The following PIP4P2 variants were observed in gnomAD, a reference collection of about 807,000 sequenced individuals.
PIP4P2 encodes phosphatidylinositol-4,5-bisphosphate 4-phosphatase 2, also known as type 2 phosphatidylinositol 4,5-bisphosphate 4-phosphatase.
Under a neutral mutation model 33.3 loss-of-function variants are expected in PIP4P2, and 19 were observed. The observed-to-expected ratio is 0.57, with a 90% CI of 0.40 to 0.84. PIP4P2 has a LOEUF of 0.84. Among genes scored for constraint, PIP4P2 ranks in the 40% least tolerant of loss-of-function variants. PIP4P2 has a pLI of 0.00. For synonymous variants in PIP4P2, 110 were observed against 111.9 expected, an observed-to-expected ratio of 0.98 and a Z score of 0.11; for missense variants, 270 against 324.7, an observed-to-expected ratio of 0.83 and a Z score of 1.29.
At chr8:91,034,571 G>T (rs1812212164) in intron 1 of PIP4P2, among the ~76,000 whole-genome samples, 1 of 152,166 alleles carries the variant, frequency 6.6e-6, no homozygotes, top group African/African-American at 2.4e-5. Context: ...TCTCATATTT[G>T]CCAAGGCCCT....
At chr8:91,023,478 T>A (rs1422640088) in intron 1 of PIP4P2, among the ~76,000 whole-genome samples, 1 of 151,914 alleles carries the variant, frequency 6.6e-6, no homozygotes, top group Non-Finnish European at 1.5e-5. Context: ...TTTCAGAGGG[T>A]GATCTTAACA....
intron 1 of PIP4P2, 161 bp from the exon 2 acceptor site, chr8:91,021,565 C>T (rs1296855606): frequency 4.0e-6 from 3 of 742,878 alleles, no homozygotes; most frequent in Non-Finnish European, 4.2e-6. Context: ...AGAGCACAAA[C>T]ATCCATGAGA....
At chr8:91,014,758 GACACACACACACAC>G (rs142952434) in intron 4 of PIP4P2, among the ~76,000 whole-genome samples, 3 of 142,754 alleles carry the variant, frequency 2.1e-5, no homozygotes, top group East Asian at 2.1e-4. Flanking sequence ...TTACCACAAA[GACACACACACACAC>G]ACACACACAC....
intron 3 of PIP4P2, among the ~76,000 whole-genome samples, chr8:91,019,109 A>G (rs1447283746): frequency 6.6e-6 from 1 of 152,118 alleles, no homozygotes; most frequent in Non-Finnish European, 1.5e-5. Flanking sequence ...ATATACTTGT[A>G]TCTGGGGACA....
At chr8:91,011,775 T>C (rs1038458551) in intron 4 of PIP4P2, among the ~76,000 whole-genome samples, 4 of 152,000 alleles carry the variant, frequency 2.6e-5, no homozygotes, top group Non-Finnish European at 5.9e-5. Flanking sequence ...GTAAATATTG[T>C]GAATTCCTAG....
intron 1 of PIP4P2, among the ~76,000 whole-genome samples, chr8:91,030,243 T>C (rs1419159362): frequency 6.6e-6 from 1 of 151,690 alleles, no homozygotes; most frequent in Admixed American, 6.6e-5. Flanking sequence ...TAGATCTCAT[T>C]TGGAAAAGAC....
intron 3 of PIP4P2, 92 bp downstream of exon 3, chr8:91,020,061 CTCTT>C: frequency 8.3e-7 from 1 of 1,205,544 alleles, no homozygotes; most frequent in Non-Finnish European, 1.2e-6. Context: ...AAAACAAAAA[CTCTT>C]TCTAGAACAA....
chr8:91,005,939 T>TA (rs1411279960), intron 5 of PIP4P2, among the ~76,000 whole-genome samples: 5 of 152,192 alleles, frequency 3.3e-5, no homozygotes, highest in Non-Finnish European at 5.9e-5. Context: ...GCTACCATAG[T>TA]ACCAGCTACC....
chr8:91,030,351 A>G (rs1812147034), intron 1 of PIP4P2, among the ~76,000 whole-genome samples: 1 of 152,166 alleles, frequency 6.6e-6, no homozygotes, highest in Non-Finnish European at 1.5e-5. Flanking sequence ...GATTCTTCCT[A>G]TTAATATCTT....
chr8:91,028,595 A>C (rs1381032488), intron 1 of PIP4P2, among the ~76,000 whole-genome samples: 1 of 152,202 alleles, frequency 6.6e-6, no homozygotes, highest in African/African-American at 2.4e-5. Context: ...AATTGGAACA[A>C]ATATTCTTGG....
In PIP4P2 at chr8:91,002,125, G is replaced by A. The variant is rs139175809; in HGVS notation, c.540-5381C>T. Among the ~76,000 whole-genome samples, 51 of 152,134 alleles carry A rather than the reference G, an allele frequency of 3.4e-4. 1 individual carries two copies. The highest frequency in any genetic ancestry group is 1.2e-3 in the African/African-American group (50 of 41,510). On this transcript the variant is annotated intron_variant, in intron 5 of 6. Transcript: ENST00000285419. ...TTCTAACCCCGCTACCTTGTGTGAG[G>A]CCAATGCCTTCTCTCTCATTCTTCC...
At chr8:91,037,019 C>T (rs939036942) in intron 1 of PIP4P2, among the ~76,000 whole-genome samples, 15 of 152,202 alleles carry the variant, frequency 9.9e-5, no homozygotes, top group Non-Finnish European at 1.8e-4. Context: ...TGACAAGTTA[C>T]TTTCCCCAGA....
rs146460952 is a variant in PIP4P2, at chr8:91,008,315, A to G, written c.539+428T>C. ...ATTAAGATAAACAAATAATTATATA[A>G]ATGCTGCTATCAGTAATAATCTTAT... On this transcript the variant is annotated intron_variant, in intron 5 of 6. Transcript: ENST00000285419. Among the ~76,000 whole-genome samples the G allele has an allele frequency of 1.7e-3, 259 of 152,306 alleles. 1 individual carries two copies. Among genetic ancestry groups the G allele is most frequent in the African/African-American group, 6.1e-3 (252 of 41,574 alleles).
chr8:91,001,911 A>G (rs1431986258), intron 5 of PIP4P2, among the ~76,000 whole-genome samples: 1 of 152,078 alleles, frequency 6.6e-6, no homozygotes, highest in Non-Finnish European at 1.5e-5. Context: ...TACTAACCCT[A>G]AACTTTAAGT....
intron 5 of PIP4P2, among the ~76,000 whole-genome samples, chr8:90,998,139 A>T (rs1474629676): frequency 1.3e-5 from 2 of 152,024 alleles, no homozygotes; most frequent in Non-Finnish European, 2.9e-5. Context: ...TATACATCAC[A>T]TCTGGTTGTT....
At chr8:91,014,147 C>T (rs1811879340) in intron 4 of PIP4P2, among the ~76,000 whole-genome samples, 1 of 152,074 alleles carries the variant, frequency 6.6e-6, no homozygotes. Context: ...CTTTGCAACT[C>T]ACTTAGCGAA....
At chr8:91,014,840 G>C (rs1051980236) in intron 4 of PIP4P2, among the ~76,000 whole-genome samples, 1 of 150,938 alleles carries the variant, frequency 6.6e-6, no homozygotes, top group Non-Finnish European at 1.5e-5. Flanking sequence ...ACTTGATTGT[G>C]GTAATCATTT....
At chr8:91,018,611 T>C in intron 3 of PIP4P2, 98 bp from the exon 4 acceptor site, 2 of 1,536,580 alleles carry the variant, frequency 1.3e-6, no homozygotes, top group Non-Finnish European at 8.8e-7. Context: ...GCTATACTTG[T>C]TTCATAAATT....
intron 3 of PIP4P2, among the ~76,000 whole-genome samples, chr8:91,019,564 C>CAA (rs200004748): frequency 8.8e-6 from 1 of 113,746 alleles, no homozygotes; most frequent in Non-Finnish European, 1.9e-5. Context: ...GACTCTGTCT[C>CAA]AAAAAAAAAA....
Sources: allele counts gnomAD v4.1 joint callset (sites outside exome capture counted in the v4.1 genomes callset), GRCh38; gene constraint gnomAD v4.1.1; transcripts MANE v1.5; gene names NCBI Gene and HGNC (gene_info 2026-07-23, HGNC 2026-07-21).